Variants in POFUT4 observed in about 807,000 individuals in gnomAD.
POFUT4 encodes GDP-fucose protein O-fucosyltransferase 4.
At chr10:73,773,302 A>G in the POFUT4 span, 434 of 1,614,128 alleles carry the variant, frequency 2.7e-4, 3 homozygotes, top group South Asian at 7.7e-5. Flanking sequence ...TTGTCCCGCT[A>G]TAAGTTCCAC....
chr10:73,772,714 C>G, the POFUT4 span: 2 of 1,585,552 alleles, frequency 1.3e-6, no homozygotes, highest in African/African-American at 2.7e-5. Flanking sequence ...GCACAGACTT[C>G]CGCGCGTCGG....
the POFUT4 span, chr10:73,773,900 C>CAGGT: frequency 7.0e-7 from 1 of 1,423,062 alleles, no homozygotes; most frequent in East Asian, 2.3e-5. Context: ...AGGTGCTGAG[C>CAGGT]AGGTGCAGGA....
At chr10:73,777,991 T>C in the POFUT4 span, among the ~76,000 whole-genome samples, 3 of 150,514 alleles carry the variant, frequency 2.0e-5, no homozygotes, top group Non-Finnish European at 3.0e-5. Flanking sequence ...TCCAGAGTGG[T>C]GGGATTACAG....
the POFUT4 span, chr10:73,772,954 C>G: frequency 4.3e-5 from 69 of 1,605,826 alleles, no homozygotes; most frequent in Middle Eastern, 1.8e-4. Flanking sequence ...GCCGCCGCGG[C>G]TACGCGCCGC....
At chr10:73,773,292 T>C in the POFUT4 span, 3 of 1,614,052 alleles carry the variant, frequency 1.9e-6, no homozygotes, top group African/African-American at 4.0e-5. Flanking sequence ...CTTGGCTTTC[T>C]TGTCCCGCTA....
At chr10:73,777,706 C>T in the POFUT4 span, among the ~76,000 whole-genome samples, 1 of 152,092 alleles carries the variant, frequency 6.6e-6, no homozygotes, top group African/African-American at 2.4e-5. Flanking sequence ...AGGCGCCCGT[C>T]ACCACATCTA....
chr10:73,772,999 G>A, the POFUT4 span: 21 of 1,590,542 alleles, frequency 1.3e-5, no homozygotes, highest in Admixed American at 1.7e-5. Context: ...ACGTGCCAGC[G>A]GACCGGGACC....
chr10:73,772,934 G>C, the POFUT4 span: 1 of 1,608,274 alleles, frequency 6.2e-7, no homozygotes, highest in Non-Finnish European at 8.5e-7. Flanking sequence ...CATGGAACGC[G>C]CGGAGTGGCG....
the POFUT4 span, chr10:73,772,748 C>T: frequency 6.2e-7 from 1 of 1,603,244 alleles, no homozygotes; most frequent in South Asian, 1.1e-5. Flanking sequence ...GCGCCTGGCG[C>T]ACCAGAGCTG....
At chr10:73,774,101 G>A in the POFUT4 span, 3 of 350,894 alleles carry the variant, frequency 8.5e-6, no homozygotes, top group Admixed American at 1.3e-4. Context: ...GTGCAGACAG[G>A]GGAGAGAGAA....
At chr10:73,774,325 G>C in the POFUT4 span, 1 of 152,400 alleles carries the variant, frequency 6.6e-6, no homozygotes, top group Admixed American at 6.6e-5. Context: ...TTAAGCGGCT[G>C]TGCTGAGGAT....
At chr10:73,778,157 C>T in the POFUT4 span, among the ~76,000 whole-genome samples, 7 of 150,220 alleles carry the variant, frequency 4.7e-5, no homozygotes, top group African/African-American at 1.7e-4. Flanking sequence ...AGCCCCGTGC[C>T]CAGCCTGAGA....
At chr10:73,773,133 AGGTGTCCAGGCCTCC>A in the POFUT4 span, 22 of 891,918 alleles carry the variant, frequency 2.5e-5, no homozygotes, top group Middle Eastern at 5.2e-4. Flanking sequence ...CCAGGACTCC[AGGTGTCCAGGCCTCC>A]AGGGCCGCAC....
the POFUT4 span, chr10:73,772,828 C>G: frequency 6.2e-7 from 1 of 1,612,300 alleles, no homozygotes. Context: ...TCCGCCTCTT[C>G]AATCTTACCT....
chr10:73,777,310 CAAA>C, the POFUT4 span, among the ~76,000 whole-genome samples: 8 of 86,598 alleles, frequency 9.2e-5, no homozygotes, highest in South Asian at 3.6e-4. Flanking sequence ...AGTAGGTTGA[CAAA>C]AAAAAAAAAA....
chr10:73,772,724 G>A, the POFUT4 span: 2 of 1,590,604 alleles, frequency 1.3e-6, no homozygotes, highest in Non-Finnish European at 1.7e-6. Flanking sequence ...CCGCGCGTCG[G>A]CCGCCCCGCT....
chr10:73,772,908 G>A, the POFUT4 span: 3 of 1,611,364 alleles, frequency 1.9e-6, no homozygotes, highest in Middle Eastern at 1.7e-4. Flanking sequence ...TATCTGCGCC[G>A]CCCGGTGCCT....
chr10:73,772,815 G>A, the POFUT4 span: 1 of 1,611,958 alleles, frequency 6.2e-7, no homozygotes, highest in African/African-American at 1.3e-5. Context: ...CACGGCCCGG[G>A]CATCCGCCTC....
At chr10:73,776,457 C>G in the POFUT4 span, among the ~76,000 whole-genome samples, 4 of 151,626 alleles carry the variant, frequency 2.6e-5, no homozygotes, top group Non-Finnish European at 5.9e-5. Flanking sequence ...TTTGGGAGGC[C>G]GAGGAGAGGC....
Sources: gnomAD v4.1 joint callset for allele counts (sites outside exome capture counted in the v4.1 genomes callset) on GRCh38, gnomAD v4.1.1 for gene constraint, MANE v1.5 for transcripts, NCBI Gene and HGNC (gene_info 2026-07-23, HGNC 2026-07-21) for gene names.